The following MRTFA variants were observed in gnomAD, a reference collection of about 807,000 sequenced individuals.
The protein encoded by MRTFA is myocardin-related transcription factor A.
A neutral mutation model predicts 83.5 loss-of-function variants in MRTFA; 20 were observed. The ratio of observed to expected loss-of-function variants is 0.24; its 90% CI spans 0.17 to 0.35. The LOEUF (loss-of-function observed/expected upper bound fraction) is 0.35. Ranked by LOEUF, MRTFA falls within the 10% of genes least tolerant of loss-of-function variation. The probability of loss-of-function intolerance (pLI) is 1.00; values close to 1 mark genes in which losing one functional copy is unlikely to be tolerated. For synonymous variants in MRTFA, 659 were observed against 541.2 expected, an observed-to-expected ratio of 1.22 and a Z score of -3.02; for missense variants, 1,200 against 1,224.7, an observed-to-expected ratio of 0.98 and a Z score of 0.30.
intron 2 of MRTFA, among the ~76,000 whole-genome samples, chr22:40,555,698 G>A (rs886846647): frequency 1.3e-5 from 2 of 150,758 alleles, no homozygotes; most frequent in East Asian, 1.9e-4. Context: ...GTGCAGTGGC[G>A]TGATCTCAGC....
intron 2 of MRTFA, among the ~76,000 whole-genome samples, chr22:40,563,765 T>G (rs2055664248): frequency 6.6e-6 from 1 of 152,210 alleles, no homozygotes; most frequent in Non-Finnish European, 1.5e-5. Context: ...CTCAGGAAGC[T>G]GGAGACATAA....
chr22:40,585,102 A>T (rs2056008598), intron 2 of MRTFA, among the ~76,000 whole-genome samples: 1 of 152,302 alleles, frequency 6.6e-6, no homozygotes, highest in Non-Finnish European at 1.5e-5. Context: ...AAGAACAAAA[A>T]TATTACAAGT....
intron 3 of MRTFA, among the ~76,000 whole-genome samples, chr22:40,519,149 T>G (rs1182678343): frequency 6.6e-6 from 1 of 151,938 alleles, no homozygotes; most frequent in Non-Finnish European, 1.5e-5. Flanking sequence ...ATAAAGTTAG[T>G]CTAATCTGTG....
At chr22:40,413,137 CAAAAAAAAAAAAAAA>C (rs35119560) in intron 14 of MRTFA, among the ~76,000 whole-genome samples, 26 of 28,144 alleles carry the variant, frequency 9.2e-4, no homozygotes, top group African/African-American at 4.0e-3. Flanking sequence ...CACCCTGTCT[CAAAAAAAAAAAAAAA>C]AAAAAAAAAA....
At chr22:40,619,544 T>C (rs2056494077) in intron 1 of MRTFA, among the ~76,000 whole-genome samples, 1 of 152,178 alleles carries the variant, frequency 6.6e-6, no homozygotes, top group South Asian at 2.1e-4. Flanking sequence ...TGGTTTCTTC[T>C]TGTTATTTGC....
chr22:40,511,893 C>T lies in MRTFA; in HGVS notation c.241+40213G>A, dbSNP rs186028474. 3.7e-3 allele frequency among the ~76,000 whole-genome samples: 566 copies of T among 152,322 alleles called. 8 individuals carry two copies. The highest frequency in any genetic ancestry group is 2.3e-3 in the Non-Finnish European group (159 of 68,030). ...ACTCAGTTTCTGCTCATTTTCTGAA[C>T]TGTGTTATCCAGCCTTCCTTTTAAG... On this transcript the variant is annotated intron_variant, in intron 3 of 14. Coordinates refer to ENST00000355630, the MANE Select transcript of MRTFA (RefSeq NM_020831.6).
chr22:40,540,863 C>A (rs2055278354), intron 3 of MRTFA, among the ~76,000 whole-genome samples: 1 of 150,120 alleles, frequency 6.7e-6, no homozygotes, highest in Admixed American at 6.7e-5. Flanking sequence ...ACATACATGA[C>A]AGCATTCATA....
At chr22:40,597,486 A>C (rs960181073) in intron 1 of MRTFA, among the ~76,000 whole-genome samples, 3 of 152,234 alleles carry the variant, frequency 2.0e-5, no homozygotes, top group African/African-American at 7.2e-5. Context: ...CTTTCTTACT[A>C]AAACGGTGCC....
Position 40,419,201 on chromosome 22 carries a change from C to A in MRTFA, c.1537G>T (p.Ala513Ser), listed in dbSNP as rs1252971616. 6.3e-7 allele frequency: 1 copy of A among 1,593,894 alleles called. No individual in the cohort carries two copies. The highest frequency in any genetic ancestry group is 1.3e-5 in the African/African-American group (1 of 74,418). Reference sequence around the variant, plus strand: ...AGGGCTGGCCCCGTGCTCAGCCGGGCCGCTGGGAAGGCTACCACCACCTCG... The same window carrying A: ...AGGGCTGGCCCCGTGCTCAGCCGGGACGCTGGGAAGGCTACCACCACCTCG... The change falls in exon 12 of 15, where the codon GCC becomes TCC. Residue 513 changes from alanine to serine, a missense_variant. Ala to Ser is a moderately conservative substitution (Grantham distance 99, BLOSUM62 1). Transcript: ENST00000355630.
chr22:40,485,069 T>A (rs2054153032), intron 3 of MRTFA, among the ~76,000 whole-genome samples: 5 of 135,692 alleles, frequency 3.7e-5, no homozygotes, highest in Non-Finnish European at 6.2e-5. Context: ...AGACTCCGTC[T>A]CAAAAAAAAA....
intron 1 of MRTFA, among the ~76,000 whole-genome samples, chr22:40,598,211 C>G (rs1259981900): frequency 6.6e-6 from 1 of 152,012 alleles, no homozygotes; most frequent in Non-Finnish European, 1.5e-5. Context: ...CGCCCCTCCC[C>G]AGCCTCCTAG....
chr22:40,414,081 G>A (rs1203784672), intron 14 of MRTFA, among the ~76,000 whole-genome samples: 1 of 152,178 alleles, frequency 6.6e-6, no homozygotes, highest in Non-Finnish European at 1.5e-5. Flanking sequence ...GCTCATGCGT[G>A]TAATCCTATC....
intron 3 of MRTFA, among the ~76,000 whole-genome samples, chr22:40,528,677 C>A (rs988768143): frequency 6.8e-6 from 1 of 146,016 alleles, no homozygotes; most frequent in Non-Finnish European, 1.5e-5. Flanking sequence ...GTGGAGGCTG[C>A]GGTGAGCCGA....
chr22:40,494,905 T>C (rs2054326154), intron 3 of MRTFA, among the ~76,000 whole-genome samples: 1 of 152,078 alleles, frequency 6.6e-6, no homozygotes, highest in African/African-American at 2.4e-5. Flanking sequence ...AGAGGCATAA[T>C]GGAATTTTGG....
chr22:40,457,493 A>AGAAAGAAG (rs1555973003), intron 4 of MRTFA, among the ~76,000 whole-genome samples: 11 of 143,222 alleles, frequency 7.7e-5, no homozygotes, highest in East Asian at 4.1e-4. Context: ...AAAGAAGGAA[A>AGAAAGAAG]GAAAGAAAGA....
intron 14 of MRTFA, 26 bp from the exon 15 acceptor site, chr22:40,411,933 G>T: frequency 1.4e-6 from 2 of 1,456,782 alleles, no homozygotes; most frequent in South Asian, 1.6e-5. Flanking sequence ...GAGAGTAAAT[G>T]GATATCAGAA....
chr22:40,514,947 C>T (rs1020720131), intron 3 of MRTFA, among the ~76,000 whole-genome samples: 5 of 147,856 alleles, frequency 3.4e-5, no homozygotes, highest in Non-Finnish European at 5.9e-5. Context: ...CTCACTCTGT[C>T]GCCCAGGCTG....
rs560733932 is a variant in MRTFA, at chr22:40,534,547, C to CA, written c.241+17558dup. Among the ~76,000 whole-genome samples, 5 of 152,270 alleles carry CA rather than the reference C, an allele frequency of 3.3e-5. 1 individual carries two copies. In the South Asian group the frequency reaches 1.0e-3, roughly 32 times the overall value. The stretch of plus-strand genomic sequence containing the variant: ...GTGGCTTACTGCAACCTCGACCTTC[C>CA]AGGCTCAAGTGCTCCTCCCACCTCA... On this transcript the variant is annotated intron_variant, in intron 3 of 14. Transcript: ENST00000355630.
At chr22:40,540,485 T>C (rs921748027) in intron 3 of MRTFA, among the ~76,000 whole-genome samples, 1 of 152,106 alleles carries the variant, frequency 6.6e-6, no homozygotes, top group African/African-American at 2.4e-5. Context: ...TTATTGTTCT[T>C]TACCACGTGG....
Sources: gnomAD v4.1 joint callset for allele counts (sites outside exome capture counted in the v4.1 genomes callset) on GRCh38, gnomAD v4.1.1 for gene constraint, MANE v1.5 for transcripts, NCBI Gene and HGNC (gene_info 2026-07-23, HGNC 2026-07-21) for gene names.